The following CAAP1 variants were observed in gnomAD, a reference collection of about 807,000 sequenced individuals.
The protein encoded by CAAP1 is caspase activity and apoptosis inhibitor 1, also known as conserved anti-apoptotic protein.
A neutral mutation model predicts 34.0 loss-of-function variants in CAAP1; 20 were observed. The observed-to-expected ratio is 0.59, with a 90% CI of 0.41 to 0.86. The LOEUF (loss-of-function observed/expected upper bound fraction) is 0.86, where lower values mean the gene tolerates loss of function less well. Among genes scored for constraint, CAAP1 ranks in the 40% least tolerant of loss-of-function variants. CAAP1 has a pLI of 0.00. For synonymous variants in CAAP1, 213 were observed against 166.7 expected (o/e 1.28, Z -2.14); for missense variants, 538 against 450.5 (o/e 1.19, Z -1.76).
In CAAP1 at chr9:26,886,080, G is replaced by C. The variant is rs1185929128; in HGVS notation, c.589+24C>G. The C allele has an allele frequency of 5.5e-6, 7 of 1,271,938 alleles. No individual in the cohort carries two copies. In the East Asian group the frequency reaches 1.2e-4, roughly 22 times the overall value. The allele number at this position is 1,271,938 out of a possible 1,614,324, so 78.8% of individuals were successfully genotyped here. A position where few individuals can be genotyped will look rare whatever the true frequency, so the allele number is the denominator to read the frequency against. ...TATAGTATTAACTAAGAAGTTGCCAGAATGTAAAAATATGTATTCTTACCC... is the reference window on the plus strand; with the variant it reads ...TATAGTATTAACTAAGAAGTTGCCACAATGTAAAAATATGTATTCTTACCC... On this transcript the variant is annotated intron_variant, in intron 3 of 5. Coordinates refer to ENST00000333916, the MANE Select transcript of CAAP1 (RefSeq NM_024828.4).
chr9:26,875,847 G>T (rs1388675381), intron 4 of CAAP1, among the ~76,000 whole-genome samples: 1 of 151,964 alleles, frequency 6.6e-6, no homozygotes, highest in Non-Finnish European at 1.5e-5. Flanking sequence ...TGGAATGTTG[G>T]AAACAATTTC....
chr9:26,892,663 T>G lies in CAAP1; in HGVS notation c.53A>C (p.Glu18Ala). Residue 18 changes from glutamate (E) to alanine (A), a missense_variant, in exon 1 of 6, where the codon GAG becomes GCG. Around this residue, in one of 3 missense-constraint regions of CAAP1, gnomAD observed 514 missense variants for 408.4 expected, o/e 1.26. Transcript: ENST00000333916. ...REKRRKRSSQ[E>A]AAAALAAPDI... ...CGGGGCCGCGAGCGCTGCGGCCGCCTCCTGACTGCTACGTTTGCGCCGTTT... is the reference window on the plus strand; with the variant it reads ...CGGGGCCGCGAGCGCTGCGGCCGCCGCCTGACTGCTACGTTTGCGCCGTTT... 6.2e-7 allele frequency: 1 copy of G among 1,607,046 alleles called. No individual in the cohort carries two copies. Among genetic ancestry groups the G allele is most frequent in the Non-Finnish European group, 8.5e-7 (1 of 1,179,100 alleles).
intron 4 of CAAP1, among the ~76,000 whole-genome samples, chr9:26,876,729 G>A (rs779958748): frequency 6.6e-6 from 1 of 152,122 alleles, no homozygotes; most frequent in African/African-American, 2.4e-5. Context: ...TATAGTTTAA[G>A]CATCCCTAAT....
intron 4 of CAAP1, among the ~76,000 whole-genome samples, chr9:26,883,870 G>A (rs1823661664): frequency 6.6e-6 from 1 of 152,122 alleles, no homozygotes; most frequent in South Asian, 2.1e-4. Context: ...GTATGTTGCA[G>A]GAACGCCAAT....
intron 5 of CAAP1, among the ~76,000 whole-genome samples, chr9:26,854,252 TA>T (rs1266814936): frequency 1.3e-5 from 2 of 152,188 alleles, no homozygotes; most frequent in Non-Finnish European, 2.9e-5. Context: ...TACACCTACA[TA>T]ATGAAATAGG....
chr9:26,876,050 G>T (rs1006666547), intron 4 of CAAP1, among the ~76,000 whole-genome samples: 1 of 152,168 alleles, frequency 6.6e-6, no homozygotes, highest in African/African-American at 2.4e-5. Flanking sequence ...TCTGAAGGTT[G>T]TTAAGTCCAA....
intron 5 of CAAP1, among the ~76,000 whole-genome samples, chr9:26,843,482 T>C (rs1418652508): frequency 6.6e-6 from 1 of 152,138 alleles, no homozygotes; most frequent in East Asian, 1.9e-4. Flanking sequence ...ATTTTCTTTT[T>C]TTTCTTTTTA....
Position 26,868,506 on chromosome 9 carries a change from C to T in CAAP1, c.666-7367G>A, listed in dbSNP as rs565659091. On this transcript the variant is annotated intron_variant, in intron 4 of 5. Transcript: ENST00000333916. The stretch of plus-strand genomic sequence containing the variant: ...TAACCAGCCCTGCTGACACCTTGAC[C>T]TCAGCCCAGAAAAACTGATTTTCAC... Among the ~76,000 whole-genome samples the T allele has an allele frequency of 2.6e-5, 4 of 152,270 alleles. No individual in the cohort carries two copies. In the East Asian group the frequency reaches 7.7e-4, roughly 29 times the overall value.
intron 2 of CAAP1, among the ~76,000 whole-genome samples, chr9:26,886,425 A>C (rs1409340051): frequency 6.6e-6 from 1 of 152,194 alleles, no homozygotes; most frequent in Non-Finnish European, 1.5e-5. Context: ...CAAAGAAAAA[A>C]ACTAAAGAGT....
At chr9:26,873,922 C>A (rs772304700) in intron 4 of CAAP1, among the ~76,000 whole-genome samples, 15 of 152,152 alleles carry the variant, frequency 9.9e-5, no homozygotes, top group Non-Finnish European at 2.1e-4. Flanking sequence ...TTTACAGATA[C>A]CTGCACCGGG....
intron 5 of CAAP1, among the ~76,000 whole-genome samples, chr9:26,857,460 C>G (rs1392421483): frequency 6.6e-6 from 1 of 152,108 alleles, no homozygotes; most frequent in African/African-American, 2.4e-5. Context: ...GGTAAAACCC[C>G]ATCTCTACTA....
intron 4 of CAAP1, among the ~76,000 whole-genome samples, chr9:26,875,817 G>C (rs1388118570): frequency 6.6e-6 from 1 of 152,056 alleles, no homozygotes; most frequent in Non-Finnish European, 1.5e-5. Context: ...AAGAAATCCA[G>C]ATTGTGGTGT....
chr9:26,875,049 C>T (rs1823392674), intron 4 of CAAP1, among the ~76,000 whole-genome samples: 1 of 152,098 alleles, frequency 6.6e-6, no homozygotes, highest in South Asian at 2.1e-4. Flanking sequence ...CGTATATGTA[C>T]ACCTCATACT....
intron 1 of CAAP1, among the ~76,000 whole-genome samples, chr9:26,888,656 A>G (rs954923414): frequency 1.3e-5 from 2 of 152,262 alleles, no homozygotes; most frequent in African/African-American, 4.8e-5. Flanking sequence ...ATACACTGTT[A>G]GCAGGAATAT....
At chr9:26,875,373 G>C (rs563727258) in intron 4 of CAAP1, among the ~76,000 whole-genome samples, 1 of 152,144 alleles carries the variant, frequency 6.6e-6, no homozygotes, top group East Asian at 1.9e-4. Context: ...GCAACAGAGT[G>C]AGACCCTGTC....
chr9:26,846,364 C>T (rs1474071997), intron 5 of CAAP1, among the ~76,000 whole-genome samples: 2 of 136,670 alleles, frequency 1.5e-5, no homozygotes, highest in African/African-American at 5.5e-5. Flanking sequence ...TGCAGTGAGC[C>T]GAGATTGCGC....
At position 26,861,061 on chromosome 9, in the gene CAAP1, C is replaced by G. The variant is rs1183743853; in HGVS notation, c.739+5G>C. 1 of 1,590,828 alleles carries G rather than the reference C, an allele frequency of 6.3e-7. No individual in the cohort carries two copies. Among genetic ancestry groups the G allele is most frequent in the Non-Finnish European group, 8.6e-7 (1 of 1,159,470 alleles). On this transcript the variant is annotated splice_donor_5th_base_variant and intron_variant, in intron 5 of 5. Transcript: ENST00000333916. ...TTATACAATAATCAAGTACTTGGTT[C>G]ATACCTTGTTTTAATTCCAAACCTT...
rs568689948 is a variant in CAAP1, at chr9:26,860,986, G to C, written c.739+80C>G. ...TCTATCTGTAAAATGGGGTGAGTTA[G>C]ACACTGAAAATTTATTTTTGGTAAA... On this transcript the variant is annotated intron_variant, in intron 5 of 5. Transcript: ENST00000333916. 2.0e-5 allele frequency: 20 copies of C among 991,254 alleles called. No individual in the cohort carries two copies. The African/African-American group carries it at 2.7e-4, about 14-fold the overall frequency. The allele number at this position is 991,254 out of a possible 1,614,324, so 61.4% of individuals were successfully genotyped here.
intron 5 of CAAP1, among the ~76,000 whole-genome samples, chr9:26,859,786 G>A (rs754226115): frequency 3.9e-5 from 6 of 152,134 alleles, no homozygotes; most frequent in Non-Finnish European, 7.4e-5. Context: ...CTTTATATGA[G>A]GTTATCACAA....
Sources: gnomAD v4.1 joint callset for allele counts (sites outside exome capture counted in the v4.1 genomes callset) on GRCh38, gnomAD v4.1.1 for gene constraint, gnomAD v4.1.1 regional missense constraint, MANE v1.5 for transcripts, NCBI Gene and HGNC (gene_info 2026-07-23, HGNC 2026-07-21) for gene names.